ADAMTSL5: variants seen among roughly 807,000 people sequenced by gnomAD.
ADAMTSL5 encodes ADAMTS-like protein 5.
Under a neutral mutation model 51.7 loss-of-function variants are expected in ADAMTSL5, and 53 were observed. The observed-to-expected ratio is 1.03, with a 90% CI of 0.82 to 1.29. The LOEUF (loss-of-function observed/expected upper bound fraction) is 1.29. ADAMTSL5 is among the 50% of genes most tolerant of loss of function. ADAMTSL5 has a pLI of 0.00. For synonymous variants in ADAMTSL5, 285 were observed against 278.7 expected, an observed-to-expected ratio of 1.02 and a Z score of -0.23; for missense variants, 770 against 676.2, an observed-to-expected ratio of 1.14 and a Z score of -1.54.
rs751869733 is a variant in ADAMTSL5, at chr19:1,506,206, C to T, written c.1225G>A (p.Val409Met). 22 of 1,606,250 alleles carry T rather than the reference C, an allele frequency of 1.4e-5. No individual in the cohort carries two copies. Among genetic ancestry groups the T allele is most frequent in the African/African-American group, 8.0e-5 (6 of 74,804 alleles). ...NRSPLRAREY[V>M]WAPGHCPCPM... Reference sequence around the variant, plus strand: ...CAGGGGCAGTGGCCTGGCGCCCACACGTACTCGCGTGCCCGCAGTGGCGAG... The same window carrying T: ...CAGGGGCAGTGGCCTGGCGCCCACATGTACTCGCGTGCCCGCAGTGGCGAG... Residue 409 changes from valine to methionine, a missense_variant, in exon 12 of 12, where the codon GTG becomes ATG. By Grantham distance (21) the Val-to-Met change is conservative. Coordinates refer to ENST00000330475, the MANE Select transcript of ADAMTSL5 (RefSeq NM_213604.3). The surrounding 1 kb of genome is among the most constrained non-coding windows in gnomAD (Gnocchi z 5.6).
chr19:1,508,201 T>A (rs1913063769), intron 6 of ADAMTSL5, 92 bp from the exon 7 acceptor site: 7 of 1,385,550 alleles, frequency 5.1e-6, no homozygotes, highest in Non-Finnish European at 5.9e-6. Flanking sequence ...GGACGAGGCC[T>A]GGAGGGAAGA....
rs911710415 is a variant in ADAMTSL5, at chr19:1,510,631, C to G, written c.191+8G>C. 6.5e-7 allele frequency: 1 copy of G among 1,532,000 alleles called. No homozygotes were observed. The highest frequency in any genetic ancestry group is 2.0e-5 in the Admixed American group (1 of 49,356). 94.9% of individuals were successfully genotyped at this position (1,532,000 alleles called of 1,614,324 possible). A position where few individuals can be genotyped will look rare whatever the true frequency, so the allele number is the denominator to read the frequency against. ...GAGGGGCAGGGACCCCCTCCGGGCC[C>G]CGCTCACCGGAGGCAGCGCCGGCTG... On this transcript the variant is annotated splice_region_variant and intron_variant, in intron 3 of 11. Coordinates refer to ENST00000330475, the MANE Select transcript of ADAMTSL5 (RefSeq NM_213604.3).
At position 1,508,555 on chromosome 19, in the gene ADAMTSL5, T is replaced by C; in HGVS notation, c.377A>G (p.Asp126Gly). 1 of 1,566,334 alleles carries C rather than the reference T, an allele frequency of 6.4e-7. No homozygotes were observed. The highest frequency in any genetic ancestry group is 8.6e-7 in the Non-Finnish European group (1 of 1,163,760). Residue 126 changes from aspartate (D) to glycine (G), a missense_variant, in exon 6 of 12, where the codon GAC becomes GGC. By Grantham distance (94) the Asp-to-Gly change is moderately conservative (BLOSUM62 -1). Coordinates refer to ENST00000330475, the MANE Select transcript of ADAMTSL5 (RefSeq NM_213604.3). ...VPFHGAPNQC[D>G]LNCLAEGHAF... ...GTGCCCCTCAGCCAGGCAGTTGAGG[T>C]CGCACTGGTTGGGCGCTGAGGGCAG...
chr19:1,509,318 C>A (rs1378521932), intron 5 of ADAMTSL5, among the ~76,000 whole-genome samples: 2 of 151,408 alleles, frequency 1.3e-5, no homozygotes, highest in Admixed American at 1.3e-4. Flanking sequence ...AGCAAGTACC[C>A]AATGAAGTGT....
chr19:1,508,534 C>T lies in ADAMTSL5; in HGVS notation c.398G>A (p.Gly133Glu). 1.3e-6 allele frequency: 2 copies of T among 1,582,132 alleles called. No individual in the cohort carries two copies. The highest frequency in any genetic ancestry group is 4.6e-5 in the East Asian group (2 of 43,856). ...GCCGAAGCTGTGGTAGAAGGCGTGC[C>T]CCTCAGCCAGGCAGTTGAGGTCGCA... ...NQCDLNCLAE[G>E]HAFYHSFGRV... is the part of the protein sequence containing the mutation. Residue 133 changes from glycine to glutamate, a missense_variant, in exon 6 of 12, where the codon GGG becomes GAG. Transcript: ENST00000330475.
At chr19:1,507,971 T>G in intron 7 of ADAMTSL5, 27 bp downstream of exon 7, 2 of 1,563,758 alleles carry the variant, frequency 1.3e-6, no homozygotes, top group Admixed American at 1.9e-5. Flanking sequence ...CTGACGTGTG[T>G]GCAGGGAGGG....
Position 1,508,057 on chromosome 19 carries a change from C to G in ADAMTSL5, c.542G>C (p.Gly181Ala). ...CGAGTCGTTGGCGCCTCCGCAGCGG[C>G]CACAGCGGTCCTCGAGGGCACCCGA... is the stretch of plus-strand genomic sequence containing the variant. ...LGSGALEDRC[G>A]RCGGANDSCL... is the part of the protein sequence containing the mutation. Residue 181 changes from glycine (G) to alanine (A), a missense_variant, in exon 7 of 12, where the codon GGC becomes GCC. Gly to Ala is a moderately conservative substitution (Grantham distance 60, BLOSUM62 0). Transcript: ENST00000330475. 6.2e-7 allele frequency: 1 copy of G among 1,610,672 alleles called. No homozygotes were observed.
chr19:1,509,684 GAAGA>G (rs372040828), intron 5 of ADAMTSL5, among the ~76,000 whole-genome samples: 2 of 136,930 alleles, frequency 1.5e-5, no homozygotes, highest in Admixed American at 1.5e-4. Context: ...GGAAGGGAAG[GAAGA>G]AAGGGAAGGA....
In ADAMTSL5 at chr19:1,510,638, C is replaced by T. The variant is rs893387363; in HGVS notation, c.191+1G>A. 2.0e-6 allele frequency: 3 copies of T among 1,534,720 alleles called. No individual in the cohort carries two copies. Among genetic ancestry groups the T allele is most frequent in the Non-Finnish European group, 2.6e-6 (3 of 1,139,536 alleles). ...AGGGACCCCCTCCGGGCCCCGCTCA[C>T]CGGAGGCAGCGCCGGCTGCGCACAG... On this transcript the variant is annotated splice_donor_variant, in intron 3 of 11. Coordinates refer to ENST00000330475, the MANE Select transcript of ADAMTSL5 (RefSeq NM_213604.3). LOFTEE classifies it high-confidence loss of function.
intron 5 of ADAMTSL5, among the ~76,000 whole-genome samples, chr19:1,509,607 T>C (rs541588145): frequency 4.5e-3 from 473 of 105,842 alleles, no homozygotes; most frequent in Admixed American, 8.4e-3. Flanking sequence ...AATTCTCAGA[T>C]TGATGGAAGG....
chr19:1,506,251 G>A lies in ADAMTSL5; in HGVS notation c.1180C>T (p.Gln394Ter). 1 of 1,580,030 alleles carries A rather than the reference G, an allele frequency of 6.3e-7. No individual in the cohort carries two copies. Among genetic ancestry groups the A allele is most frequent in the African/African-American group, 1.3e-5 (1 of 74,500 alleles). Residue 394 changes from glutamine to a stop codon, truncating the protein, a stop_gained, in exon 12 of 12, where the codon CAG (glutamine) becomes TAG (stop). Transcript: ENST00000330475. LOFTEE classifies it high-confidence loss of function. The surrounding 1 kb of genome is among the most constrained non-coding windows in gnomAD (Gnocchi z 5.6). ...GGCGAGCGGTTCTTGTAGACGAGCT[G>A]GATGCGCACCTCATAGCGGGTCTCC... The part of the protein sequence containing the change: ...AQETRYEVRI[Q>*]LVYKNRSPLR...
In ADAMTSL5 at chr19:1,505,147, C is replaced by G. The variant is rs541978879; in HGVS notation, c.*868G>C. 2.6e-5 allele frequency: 4 copies of G among 152,106 alleles called. No homozygotes were observed. The highest frequency in any genetic ancestry group is 9.6e-5 in the African/African-American group (4 of 41,462). 9.4% of individuals were successfully genotyped at this position (152,106 alleles called of 1,614,324 possible). A position where few individuals can be genotyped will look rare whatever the true frequency, so the allele number is the denominator to read the frequency against. On this transcript the variant is annotated 3_prime_UTR_variant, in exon 12 of 12. Coordinates refer to ENST00000330475, the MANE Select transcript of ADAMTSL5 (RefSeq NM_213604.3). ...CTTTGGGAGGCCGAGGCAGGAGGAT[C>G]GTTTGAGGCCAGTAGTTGGAGAGCA...
chr19:1,511,409 G>A (rs1374877698), intron 1 of ADAMTSL5, among the ~76,000 whole-genome samples: 1 of 152,202 alleles, frequency 6.6e-6, no homozygotes, highest in African/African-American at 2.4e-5. Flanking sequence ...CTGACCTGAA[G>A]TGATCCACCT....
At chr19:1,510,490 C>A in intron 3 of ADAMTSL5, 62 bp from the exon 4 acceptor site, 2 of 1,531,912 alleles carry the variant, frequency 1.3e-6, no homozygotes, top group East Asian at 4.9e-5. Context: ...TGGCCTTCCA[C>A]CCTCCGCCCC....
chr19:1,507,240 A>G lies in ADAMTSL5; in HGVS notation c.852+2T>C. ...CTGACCCTGTTGGAGGCCCAGTGGCACCTGTAGGAGCAGGTCATGGGAGGT... is the reference window on the plus strand; with the variant it reads ...CTGACCCTGTTGGAGGCCCAGTGGCGCCTGTAGGAGCAGGTCATGGGAGGT... On this transcript the variant is annotated splice_donor_variant, in intron 9 of 11. Coordinates refer to ENST00000330475, the MANE Select transcript of ADAMTSL5 (RefSeq NM_213604.3). LOFTEE classifies it high-confidence loss of function. The G allele has an allele frequency of 3.9e-6, 6 of 1,527,502 alleles. No individual in the cohort carries two copies. The highest frequency in any genetic ancestry group is 5.3e-6 in the Non-Finnish European group (6 of 1,139,312). The allele number at this position is 1,527,502 out of a possible 1,614,324, so 94.6% of individuals were successfully genotyped here. A position where few individuals can be genotyped will look rare whatever the true frequency, so the allele number is the denominator to read the frequency against.
At chr19:1,509,220 A>ACTCCAGCC (rs933478508) in intron 5 of ADAMTSL5, among the ~76,000 whole-genome samples, 1 of 126,246 alleles carries the variant, frequency 7.9e-6, no homozygotes, top group African/African-American at 3.1e-5. Flanking sequence ...ATGCCACTGC[A>ACTCCAGCC]CTCCAGCCTG....
At chr19:1,511,696 C>T (rs761764508) in intron 1 of ADAMTSL5, 1 of 702,886 alleles carries the variant, frequency 1.4e-6, no homozygotes, top group South Asian at 1.5e-5. Context: ...CAGTGGGGGC[C>T]AAGTGGACTC....
Position 1,508,470 on chromosome 19 carries a change from C to T in ADAMTSL5, c.462G>A (p.Gln154=), listed in dbSNP as rs1389956258. The T allele has an allele frequency of 7.6e-6, 12 of 1,577,966 alleles. No individual in the cohort carries two copies. The highest frequency in any genetic ancestry group is 1.7e-5 in the Admixed American group (1 of 57,212). The change falls in exon 6 of 12, where the codon CAG becomes CAA. Residue 154 remains glutamine (Q), a synonymous_variant. Transcript: ENST00000330475. ...GGCAGCGGCCAGCCACGCAGACCCC[C>T]TGGGCACCCGGGCTGCAGGCGGTGC... ...LDGTACSPGA[Q]GVCVAGRCLS... is the part of the protein sequence containing the mutation.
In ADAMTSL5 at chr19:1,512,148, G is replaced by A. The variant is rs533357157; in HGVS notation, c.-218+815C>T. The stretch of plus-strand genomic sequence containing the variant: ...GCCAGGGCGTCCTGCTGCCAGCAGA[G>A]CCTGAAGGCAGGTGGGTGAGCCCCG... On this transcript the variant is annotated intron_variant, in intron 1 of 11. Transcript: ENST00000330475. Among the ~76,000 whole-genome samples the A allele has an allele frequency of 1.8e-4, 27 of 152,296 alleles. No individual in the cohort carries two copies. In the South Asian group the frequency reaches 5.4e-3, roughly 30 times the overall value.
Sources: gnomAD v4.1 joint callset for allele counts (sites outside exome capture counted in the v4.1 genomes callset) on GRCh38, gnomAD v4.1.1 for gene constraint, Gnocchi (gnomAD v3.1) non-coding constraint, MANE v1.5 for transcripts, NCBI Gene and HGNC (gene_info 2026-07-23, HGNC 2026-07-21) for gene names.